The following BCAS4 variants were observed in gnomAD, a reference collection of about 807,000 sequenced individuals.
BCAS4 encodes the protein breast carcinoma-amplified sequence 4.
In BCAS4, 9 loss-of-function variants were observed where a neutral mutation model predicts 15.7. That is an observed-to-expected ratio of 0.57 (90% CI 0.34 to 1.00). The LOEUF (loss-of-function observed/expected upper bound fraction) is 1.00, where lower values mean the gene tolerates loss of function less well. BCAS4 is among the 50% of genes least tolerant of loss of function. BCAS4 has a pLI of 0.02. For synonymous variants in BCAS4, 101 were observed against 99.5 expected, an observed-to-expected ratio of 1.02 and a Z score of -0.09; for missense variants, 225 against 239.1, an observed-to-expected ratio of 0.94 and a Z score of 0.39.
At chr20:50,819,530 C>A (rs946254418) in intron 2 of BCAS4, among the ~76,000 whole-genome samples, 1 of 152,150 alleles carries the variant, frequency 6.6e-6, no homozygotes, top group Non-Finnish European at 1.5e-5. Flanking sequence ...TCATTGAACG[C>A]CTTTCTTTGT....
At chr20:50,822,850 C>G (rs567407038) in intron 2 of BCAS4, among the ~76,000 whole-genome samples, 62 of 151,238 alleles carry the variant, frequency 4.1e-4, no homozygotes, top group African/African-American at 1.5e-3. Context: ...TGGTCTCGAA[C>G]TCCTGACCTC....
At chr20:50,834,295 T>C (rs983310979) in intron 3 of BCAS4, among the ~76,000 whole-genome samples, 8 of 144,144 alleles carry the variant, frequency 5.6e-5, no homozygotes, top group Admixed American at 3.4e-4. Context: ...AACTCTTCTT[T>C]TTTTTTTTTT....
chr20:50,832,374 C>T (rs867552407), intron 3 of BCAS4, among the ~76,000 whole-genome samples: 92 of 151,394 alleles, frequency 6.1e-4, no homozygotes, highest in African/African-American at 2.0e-3. Flanking sequence ...TCTCCTGCCT[C>T]AGCCTCCCAA....
intron 1 of BCAS4, among the ~76,000 whole-genome samples, chr20:50,796,443 C>T (rs1474619155): frequency 2.5e-3 from 116 of 46,894 alleles, no homozygotes; most frequent in Middle Eastern, 0.013. Context: ...TTTTCTTTTT[C>T]TTTTTCTCCA....
intron 2 of BCAS4, among the ~76,000 whole-genome samples, chr20:50,819,455 G>A (rs142313545): frequency 2.6e-5 from 4 of 152,280 alleles, no homozygotes; most frequent in Admixed American, 2.0e-4. Flanking sequence ...GAGAAGCACC[G>A]TGTCCGGACC....
At chr20:50,866,860 AG>A (rs1979382985) in intron 4 of BCAS4, among the ~76,000 whole-genome samples, 1 of 152,112 alleles carries the variant, frequency 6.6e-6, no homozygotes, top group African/African-American at 2.4e-5. Flanking sequence ...CCTTTTGCAA[AG>A]TGAGATGGAG....
At chr20:50,796,862 A>C (rs1049703876) in intron 1 of BCAS4, among the ~76,000 whole-genome samples, 39 of 145,306 alleles carry the variant, frequency 2.7e-4, no homozygotes, top group Non-Finnish European at 2.9e-4. Context: ...ACAGGGTTTC[A>C]CTTTGTCACC....
intron 1 of BCAS4, among the ~76,000 whole-genome samples, chr20:50,816,736 A>C (rs1162904781): frequency 6.7e-6 from 1 of 149,986 alleles, no homozygotes; most frequent in African/African-American, 2.5e-5. Flanking sequence ...TGCTTACTGC[A>C]GCCTCAGCCT....
At chr20:50,861,449 G>A (rs1389982817) in intron 4 of BCAS4, among the ~76,000 whole-genome samples, 1 of 152,268 alleles carries the variant, frequency 6.6e-6, no homozygotes, top group Non-Finnish European at 1.5e-5. Flanking sequence ...AGCTGTGAGT[G>A]AAATGACAAG....
At chr20:50,847,240 C>T (rs751131959) in intron 4 of BCAS4, among the ~76,000 whole-genome samples, 1 of 152,154 alleles carries the variant, frequency 6.6e-6, no homozygotes, top group Non-Finnish European at 1.5e-5. Flanking sequence ...GCGCGCACCA[C>T]AATGCCTGGC....
At chr20:50,816,409 CT>C (rs2088138216) in intron 1 of BCAS4, among the ~76,000 whole-genome samples, 1 of 152,228 alleles carries the variant, frequency 6.6e-6, no homozygotes, top group Admixed American at 6.5e-5. Context: ...TCGTTATTGG[CT>C]TAATTTGTGA....
intron 1 of BCAS4, among the ~76,000 whole-genome samples, chr20:50,797,668 A>AT (rs891581623): frequency 3.9e-5 from 6 of 151,930 alleles, no homozygotes; most frequent in Non-Finnish European, 5.9e-5. Context: ...TACCTATGCA[A>AT]TTTTTTTTGT....
chr20:50,876,195 C>T, intron 4 of BCAS4: 1 of 398,154 alleles, frequency 2.5e-6, no homozygotes, highest in Admixed American at 3.5e-5. Flanking sequence ...AAGTGATCCG[C>T]CTGCCTTGGC....
chr20:50,823,724 A>G (rs1248950081), intron 2 of BCAS4, among the ~76,000 whole-genome samples: 5 of 152,180 alleles, frequency 3.3e-5, no homozygotes, highest in Admixed American at 1.3e-4. Flanking sequence ...GTGCGATTCC[A>G]CTAGTCTGAA....
intron 4 of BCAS4, among the ~76,000 whole-genome samples, chr20:50,850,681 T>C (rs1000354492): frequency 2.0e-5 from 3 of 152,196 alleles, no homozygotes; most frequent in Non-Finnish European, 4.4e-5. Flanking sequence ...TTGTGGCTTC[T>C]CATGAAGAAG....
At chr20:50,825,021 T>A (rs904609522) in intron 2 of BCAS4, among the ~76,000 whole-genome samples, 49 of 152,124 alleles carry the variant, frequency 3.2e-4, no homozygotes, top group African/African-American at 1.1e-3. Flanking sequence ...TGGATTAGAC[T>A]CCTCCCTCTC....
At chr20:50,860,860 G>A (rs1194364130) in intron 4 of BCAS4, among the ~76,000 whole-genome samples, 3 of 151,968 alleles carry the variant, frequency 2.0e-5, no homozygotes, top group East Asian at 1.9e-4. Context: ...GCGACATAGC[G>A]AGACTCCATC....
intron 4 of BCAS4, among the ~76,000 whole-genome samples, chr20:50,860,403 A>C (rs1600896500): frequency 6.6e-6 from 1 of 151,658 alleles, no homozygotes; most frequent in African/African-American, 2.4e-5. Context: ...AACCACCCTA[A>C]CCCTTCCTGT....
chr20:50,812,336 T>C (rs999130119), intron 1 of BCAS4, among the ~76,000 whole-genome samples: 2 of 152,026 alleles, frequency 1.3e-5, no homozygotes, highest in African/African-American at 2.4e-5. Flanking sequence ...GGTTTCACCG[T>C]GTTAGCCAGG....
Sources: allele counts gnomAD v4.1 joint callset (sites outside exome capture counted in the v4.1 genomes callset), GRCh38; gene constraint gnomAD v4.1.1; transcripts MANE v1.5; gene names NCBI Gene and HGNC (gene_info 2026-07-23, HGNC 2026-07-21).